Variants in ELFN1 observed in about 807,000 individuals in gnomAD.
ELFN1 encodes the protein extracellular leucine rich repeat and fibronectin type III domain containing 1.
In ELFN1, 6 loss-of-function variants were observed where a neutral mutation model predicts 7.6. That is an observed-to-expected ratio of 0.79 (90% confidence interval 0.43 to 1.56). ELFN1 has a LOEUF of 1.56. ELFN1 is among the 40% of genes most tolerant of loss of function. ELFN1 has a pLI of 0.01. For missense variants in ELFN1, 1,169 were observed against 1,232.2 expected, an observed-to-expected ratio of 0.95 and a Z score of 0.77; for synonymous variants, 657 against 588.1, an observed-to-expected ratio of 1.12 and a Z score of -1.70.
chr7:1,720,571 G>T (rs911362825), intron 3 of ELFN1, among the ~76,000 whole-genome samples: 4 of 152,222 alleles, frequency 2.6e-5, no homozygotes, highest in Non-Finnish European at 5.9e-5. Context: ...GCAGGTGGTA[G>T]ACCAGATGGC....
rs10268006 is a variant in ELFN1, at chr7:1,735,607, A to G, written c.-293-8697A>G. 0.12 allele frequency among the ~76,000 whole-genome samples: 18,633 copies of G among 151,868 alleles called. 3,446 individuals are homozygous for G. The highest frequency in any genetic ancestry group is 0.41 in the African/African-American group (16,767 of 41,364). On this transcript the variant is annotated intron_variant, in intron 3 of 3. Coordinates refer to ENST00000424383, the MANE Select transcript of ELFN1 (RefSeq NM_001128636.4). This position sits in a 1 kb window ranked among gnomAD's most constrained non-coding sequence, Gnocchi z 5.9. Reference sequence around the variant, plus strand: ...ATGGGAGCAGGGAGCGGAAGAGAGGACTGGGTCTGGGGGAGCCATGAGGGA... The same window carrying G: ...ATGGGAGCAGGGAGCGGAAGAGAGGGCTGGGTCTGGGGGAGCCATGAGGGA...
At chr7:1,668,297 A>T (rs1406638888), upstream of ELFN1, among the ~76,000 whole-genome samples, 1 of 152,230 alleles carries the variant, frequency 6.6e-6, no homozygotes, top group Admixed American at 6.5e-5. Context: ...GGGAAGTAGC[A>T]GGACGTCCTG....
chr7:1,716,680 C>T (rs1779842863), intron 3 of ELFN1, among the ~76,000 whole-genome samples: 3 of 152,228 alleles, frequency 2.0e-5, no homozygotes, highest in African/African-American at 7.2e-5. Flanking sequence ...TCCCCTCCCC[C>T]TGCAAACTCA....
rs903849964 is a variant in ELFN1, at chr7:1,740,588, G to T, written c.-293-3716G>T. ...AGGGCTTTGGGGGGGCCTGTGGTCT[G>T]TCCAGAACCTTCCTAGGTGATTCGG... On this transcript the variant is annotated intron_variant, in intron 3 of 3. Transcript: ENST00000424383. The surrounding 1 kb of genome is among the most constrained non-coding windows in gnomAD (Gnocchi z 5.0). 6.6e-6 allele frequency among the ~76,000 whole-genome samples: 1 copy of T among 152,160 alleles called. No individual in the cohort carries two copies. Among genetic ancestry groups the T allele is most frequent in the Non-Finnish European group, 1.5e-5 (1 of 68,022 alleles).
intron 3 of ELFN1, among the ~76,000 whole-genome samples, chr7:1,734,707 CTTTTTTTTTT>C (rs543161002): frequency 6.9e-6 from 1 of 145,104 alleles, no homozygotes; most frequent in African/African-American, 2.5e-5. Flanking sequence ...CTTTTTTTTT[CTTTTTTTTTT>C]TTGAGACAGG....
In ELFN1 at chr7:1,746,087, C is replaced by A. The variant is rs1395896927; in HGVS notation, c.1491C>A (p.Ile497=). The A allele has an allele frequency of 6.5e-7, 1 of 1,547,052 alleles. No homozygotes were observed. Among genetic ancestry groups the A allele is most frequent in the Non-Finnish European group, 8.7e-7 (1 of 1,145,168 alleles). The change falls in exon 4 of 4, where the codon ATC becomes ATA. Residue 497 remains isoleucine, a synonymous_variant. Transcript: ENST00000424383. ...TGGGCCCCGAGGCCGTGACGCGCAT[C>A]CCTTACCTGCCTGCGGCCGGCGAGG... ...PLLGPEAVTR[I]PYLPAAGEVE...
chr7:1,677,475 C>T (rs1036334070), intron 1 of ELFN1, among the ~76,000 whole-genome samples: 4 of 152,080 alleles, frequency 2.6e-5, no homozygotes, highest in African/African-American at 9.7e-5. Context: ...CACGTGTGTG[C>T]GTGTAGATTA....
chr7:1,702,725 G>T (rs2128584897), intron 2 of ELFN1, among the ~76,000 whole-genome samples: 1 of 151,410 alleles, frequency 6.6e-6, no homozygotes, highest in South Asian at 2.1e-4. Context: ...TATACATTCT[G>T]TTGGACTTTT....
At chr7:1,690,696 A>G (rs1325613719) in intron 2 of ELFN1, among the ~76,000 whole-genome samples, 2 of 145,734 alleles carry the variant, frequency 1.4e-5, no homozygotes, top group African/African-American at 5.1e-5. Flanking sequence ...CTAGAAGGAT[A>G]TATGGATGAT....
intron 2 of ELFN1, among the ~76,000 whole-genome samples, chr7:1,701,649 A>T (rs1779430192): frequency 6.6e-6 from 1 of 151,962 alleles, no homozygotes; most frequent in Non-Finnish European, 1.5e-5. Flanking sequence ...TTCTCTAAAA[A>T]AAATTAATGG....
At chr7:1,668,173 CG>C (rs1778700693), upstream of ELFN1, among the ~76,000 whole-genome samples, 1 of 152,252 alleles carries the variant, frequency 6.6e-6, no homozygotes, top group African/African-American at 2.4e-5. Context: ...TCTCAGACCC[CG>C]AGTGACCGCA....
intron 1 of ELFN1, among the ~76,000 whole-genome samples, chr7:1,686,814 G>T (rs1273010994): frequency 6.6e-6 from 1 of 151,922 alleles, no homozygotes; most frequent in Non-Finnish European, 1.5e-5. Flanking sequence ...CCATCCACTG[G>T]GCACATGTGG....
rs1041979434 is a variant in ELFN1, at chr7:1,673,087, C to G, written c.-549+2733C>G. ...GATACATTTGTCATCTCTCCAGCGC[C>G]CCCCCCCGCTCTTTCCTTTTTGTTT... On this transcript the variant is annotated intron_variant, in intron 1 of 3. Transcript: ENST00000424383. The surrounding 1 kb of genome is among the most constrained non-coding windows in gnomAD (Gnocchi z 4.7). Among the ~76,000 whole-genome samples, 3 of 92,058 alleles carry G rather than the reference C, an allele frequency of 3.3e-5. No homozygotes were observed. The highest frequency in any genetic ancestry group is 5.8e-5 in the Non-Finnish European group (3 of 51,288). 60.4% of individuals were successfully genotyped at this position (92,058 alleles called of 152,430 possible).
intron 2 of ELFN1, among the ~76,000 whole-genome samples, chr7:1,689,663 C>A (rs1779120585): frequency 6.6e-6 from 1 of 152,210 alleles, no homozygotes; most frequent in African/African-American, 2.4e-5. Context: ...CTCCTAACAA[C>A]ATTATCCATT....
intron 3 of ELFN1, among the ~76,000 whole-genome samples, 158 bp downstream of exon 3, chr7:1,709,410 G>T (rs1013955876): frequency 6.6e-6 from 1 of 152,236 alleles, no homozygotes; most frequent in Admixed American, 6.5e-5. Flanking sequence ...ATTGACTCTT[G>T]TTCAATGGTG....
At chr7:1,675,651 G>A (rs1267744115) in intron 1 of ELFN1, among the ~76,000 whole-genome samples, 2 of 152,226 alleles carry the variant, frequency 1.3e-5, no homozygotes, top group Non-Finnish European at 2.9e-5. Flanking sequence ...AAATGGGGGG[G>A]CCGTCGGGGG....
At chr7:1,727,166 G>GTA in intron 3 of ELFN1, among the ~76,000 whole-genome samples, 1 of 152,184 alleles carries the variant, frequency 6.6e-6, no homozygotes, top group Non-Finnish European at 1.5e-5. Context: ...AATACCAAGT[G>GTA]AATGAATGAT....
intron 1 of ELFN1, among the ~76,000 whole-genome samples, chr7:1,671,996 A>G (rs1237255206): frequency 2.0e-5 from 3 of 152,172 alleles, no homozygotes; most frequent in African/African-American, 7.2e-5. Flanking sequence ...GGGGTCTCCA[A>G]GTCAGAGATT....
chr7:1,681,560 C>T (rs1419832447), intron 1 of ELFN1, among the ~76,000 whole-genome samples: 1 of 152,172 alleles, frequency 6.6e-6, no homozygotes, highest in African/African-American at 2.4e-5. Flanking sequence ...GACTGGGTCT[C>T]GCCATGTTGG....
Sources: gnomAD v4.1 joint callset for allele counts (sites outside exome capture counted in the v4.1 genomes callset) on GRCh38, gnomAD v4.1.1 for gene constraint, Gnocchi (gnomAD v3.1) non-coding constraint, MANE v1.5 for transcripts, NCBI Gene and HGNC (gene_info 2026-07-23, HGNC 2026-07-21) for gene names.